The following VIT variants were observed in gnomAD, a reference collection of about 807,000 sequenced individuals.
The protein encoded by VIT is vitrin.
VIT carries 99 observed loss-of-function variants against 78.0 expected under a neutral mutation model. The ratio of observed to expected loss-of-function variants is 1.27; its 90% CI spans 1.08 to 1.50. VIT has a LOEUF of 1.50. Among genes scored for constraint, VIT ranks in the 40% most tolerant of loss-of-function variants. The pLI, the probability that VIT is intolerant of heterozygous loss-of-function variation, is 0.00. For missense variants in VIT, 1,126 were observed against 875.3 expected, an observed-to-expected ratio of 1.29 and a Z score of -3.61; for synonymous variants, 374 against 334.3, an observed-to-expected ratio of 1.12 and a Z score of -1.29.
At chr2:36,773,422 G>C (rs887200590) in intron 7 of VIT, among the ~76,000 whole-genome samples, 18 of 151,620 alleles carry the variant, frequency 1.2e-4, no homozygotes, top group African/African-American at 4.4e-4. Flanking sequence ...TTGCTAGGTT[G>C]GATCATAGAA....
Position 36,754,307 on chromosome 2 carries a change from C to T in VIT, c.276-614C>T, listed in dbSNP as rs111403512. On this transcript the variant is annotated intron_variant, in intron 4 of 15. Coordinates refer to ENST00000379242, the MANE Select transcript of VIT (RefSeq NM_053276.4). ...TCGACTCTGGGGCAAGAAATGACAA[C>T]GTAAAAGTGCAATCTAGCAACCAGA... Among the ~76,000 whole-genome samples, 473 of 124,548 alleles carry T rather than the reference C, an allele frequency of 3.8e-3. 5 individuals carry two copies. The highest frequency in any genetic ancestry group is 0.012 in the African/African-American group (453 of 37,864). 81.7% of individuals were successfully genotyped at this position (124,548 alleles called of 152,430 possible).
intron 14 of VIT, among the ~76,000 whole-genome samples, chr2:36,807,806 G>T (rs1666838159): frequency 6.6e-6 from 1 of 152,228 alleles, no homozygotes; most frequent in African/African-American, 2.4e-5. Context: ...AGAGTTGTCT[G>T]GTTCTGAAGG....
In VIT at chr2:36,811,339, C is replaced by CT. The variant is rs990784217; in HGVS notation, c.1903+2362dup. ...CAGTTTGTGCTCAGCTACATCATCA[C>CT]TTTTTTTTCTAGATGTACGTCTTTT... On this transcript the variant is annotated intron_variant, in intron 15 of 15. Coordinates refer to ENST00000379242, the MANE Select transcript of VIT (RefSeq NM_053276.4). Among the ~76,000 whole-genome samples the CT allele has an allele frequency of 2.0e-5, 3 of 152,202 alleles. No homozygotes were observed. In the East Asian group the frequency reaches 5.8e-4, roughly 29 times the overall value.
chr2:36,771,102 A>G (rs1572510300), intron 7 of VIT, among the ~76,000 whole-genome samples: 4 of 152,248 alleles, frequency 2.6e-5, no homozygotes, highest in Admixed American at 2.6e-4. Context: ...TATTTGGAGA[A>G]GGCTTTTCTT....
intron 4 of VIT, among the ~76,000 whole-genome samples, chr2:36,748,630 C>T (rs1668278688): frequency 6.6e-6 from 1 of 152,144 alleles, no homozygotes; most frequent in Non-Finnish European, 1.5e-5. Context: ...TCTTTCAAGT[C>T]TTGGATCATT....
At chr2:36,713,233 A>C (rs1026163833) in intron 1 of VIT, among the ~76,000 whole-genome samples, 1 of 152,186 alleles carries the variant, frequency 6.6e-6, no homozygotes, top group Non-Finnish European at 1.5e-5. Context: ...ATTTGAAAGA[A>C]ATGAGGGAGC....
intron 9 of VIT, among the ~76,000 whole-genome samples, chr2:36,776,563 G>A (rs576557097): frequency 6.6e-6 from 1 of 152,310 alleles, no homozygotes; most frequent in Non-Finnish European, 1.5e-5. Flanking sequence ...CACTTTGGGA[G>A]GCCAAGGCAG....
chr2:36,709,086 G>C (rs1017583526), intron 1 of VIT, among the ~76,000 whole-genome samples: 1 of 152,150 alleles, frequency 6.6e-6, no homozygotes, highest in Non-Finnish European at 1.5e-5. Context: ...AGAGGTGGAG[G>C]CTGCAGTGAG....
chr2:36,775,124 T>G, intron 9 of VIT, 57 bp downstream of exon 9: 1 of 1,600,524 alleles, frequency 6.2e-7, no homozygotes, highest in East Asian at 2.2e-5. Context: ...TGTGGCACTT[T>G]GCAAACATGA....
chr2:36,738,969 A>C (rs1667671794), intron 3 of VIT, among the ~76,000 whole-genome samples: 1 of 152,224 alleles, frequency 6.6e-6, no homozygotes. Context: ...GAAGAATTAA[A>C]GTGACCTAGA....
chr2:36,712,086 C>T (rs1245895755), intron 1 of VIT, among the ~76,000 whole-genome samples: 4 of 152,204 alleles, frequency 2.6e-5, no homozygotes, highest in Admixed American at 2.0e-4. Flanking sequence ...CCTGCAGAAA[C>T]TGCTTAATGG....
intron 12 of VIT, among the ~76,000 whole-genome samples, chr2:36,799,972 C>T (rs1248182058): frequency 2.7e-5 from 4 of 148,804 alleles, no homozygotes; most frequent in Admixed American, 2.7e-4. Context: ...CACTTGAACC[C>T]GGGAGGTGGA....
At chr2:36,803,280 A>G (rs1666463128) in intron 13 of VIT, among the ~76,000 whole-genome samples, 1 of 152,260 alleles carries the variant, frequency 6.6e-6, no homozygotes, top group Non-Finnish European at 1.5e-5. Context: ...CCTCACTTTT[A>G]TCTTCTAAAT....
At chr2:36,718,424 G>T (rs186441589) in intron 2 of VIT, among the ~76,000 whole-genome samples, 61 of 152,216 alleles carry the variant, frequency 4.0e-4, no homozygotes, top group African/African-American at 1.4e-3. Context: ...TGCCAATTTT[G>T]TCAAGTCACT....
chr2:36,719,784 T>C (rs1666380804), intron 2 of VIT, among the ~76,000 whole-genome samples: 1 of 151,978 alleles, frequency 6.6e-6, no homozygotes, highest in Non-Finnish European at 1.5e-5. Flanking sequence ...ACCAATAAAT[T>C]TTAAAAATTA....
chr2:36,771,259 G>A (rs1309222232), intron 7 of VIT, among the ~76,000 whole-genome samples: 7 of 152,222 alleles, frequency 4.6e-5, no homozygotes, highest in Admixed American at 4.6e-4. Flanking sequence ...GCCGGTCCCG[G>A]TGGCTCACGC....
chr2:36,760,258 G>A (rs1006884617), intron 6 of VIT, among the ~76,000 whole-genome samples: 5 of 152,144 alleles, frequency 3.3e-5, no homozygotes, highest in African/African-American at 4.8e-5. Flanking sequence ...CTTCCAAAAT[G>A]CTAGGATTAC....
rs1278283955 is a variant in VIT at position 36,814,250 on chromosome 2, C to A, written c.1971C>A (p.His657Gln). The A allele has an allele frequency of 4.3e-6, 7 of 1,614,234 alleles. No homozygotes were observed. Among genetic ancestry groups the A allele is most frequent in the Admixed American group, 3.3e-5 (2 of 60,028 alleles). The stretch of plus-strand genomic sequence containing the variant: ...AGGAGCTAGAAGTCATTGCCACTCA[C>A]CCCGCCAGAGACCACTCCTTCTTTG... ...AQEELEVIAT[H>Q]PARDHSFFVD... The change falls in exon 16 of 16, where the codon CAC becomes CAA. Residue 657 changes from histidine (H) to glutamine (Q), a missense_variant. By Grantham distance (24) the His-to-Gln change is conservative (BLOSUM62 0). Transcript: ENST00000379242.
intron 4 of VIT, among the ~76,000 whole-genome samples, chr2:36,750,698 G>C (rs191503266): frequency 6.6e-6 from 1 of 151,620 alleles, no homozygotes; most frequent in Non-Finnish European, 1.5e-5. Context: ...GTGCACACAT[G>C]TAATCCCAGC....
Sources: allele counts gnomAD v4.1 joint callset (sites outside exome capture counted in the v4.1 genomes callset), GRCh38; gene constraint gnomAD v4.1.1; transcripts MANE v1.5; gene names NCBI Gene and HGNC (gene_info 2026-07-23, HGNC 2026-07-21).